DOCK3: variants seen among roughly 807,000 people sequenced by gnomAD.
DOCK3 encodes dedicator of cytokinesis 3, also known as dedicator of cytokinesis protein 3.
In DOCK3, 60 loss-of-function variants were observed where a neutral mutation model predicts 265.6. That is an observed-to-expected ratio of 0.23 (90% CI 0.18 to 0.28). The LOEUF (loss-of-function observed/expected upper bound fraction) is 0.28. Ranked by LOEUF, DOCK3 falls within the 10% of genes least tolerant of loss-of-function variation. DOCK3 has a pLI of 1.00. For synonymous variants in DOCK3, 881 were observed against 938.0 expected, an observed-to-expected ratio of 0.94 and a Z score of 1.11; for missense variants, 1,981 against 2,594.3, an observed-to-expected ratio of 0.76 and a Z score of 5.14.
intron 6 of DOCK3, among the ~76,000 whole-genome samples, chr3:51,068,058 G>A (rs1379112783): frequency 1.3e-5 from 2 of 152,130 alleles, no homozygotes; most frequent in African/African-American, 2.4e-5. Flanking sequence ...TGTTTTAATT[G>A]ATGTAATTAA....
chr3:51,043,421 A>G (rs1289945448), intron 5 of DOCK3, among the ~76,000 whole-genome samples: 2 of 152,216 alleles, frequency 1.3e-5, no homozygotes, highest in Admixed American at 6.6e-5. Flanking sequence ...CTTATACCAT[A>G]TTCAAAAATT....
intron 21 of DOCK3, among the ~76,000 whole-genome samples, chr3:51,239,326 C>A (rs553351261): frequency 1.3e-5 from 2 of 152,124 alleles, no homozygotes; most frequent in East Asian, 3.9e-4. Flanking sequence ...CCTTCTGCCT[C>A]AGCCTCCTGA....
intron 2 of DOCK3, among the ~76,000 whole-genome samples, chr3:50,804,227 C>T (rs953027627): frequency 8.6e-5 from 13 of 150,922 alleles, no homozygotes; most frequent in Admixed American, 2.6e-4. Context: ...GGATGGCGGC[C>T]GGGAAGAGGC....
At chr3:50,746,012 A>G (rs1164459318) in intron 1 of DOCK3, among the ~76,000 whole-genome samples, 5 of 152,020 alleles carry the variant, frequency 3.3e-5, no homozygotes, top group Non-Finnish European at 7.4e-5. Context: ...TATCAGATAT[A>G]TACTTTGCAA....
At chr3:51,346,814 T>C (rs2085616322) in intron 38 of DOCK3, among the ~76,000 whole-genome samples, 1 of 152,228 alleles carries the variant, frequency 6.6e-6, no homozygotes, top group Non-Finnish European at 1.5e-5. Context: ...TTTCCTGACT[T>C]TTTAATGATC....
intron 5 of DOCK3, among the ~76,000 whole-genome samples, chr3:51,061,165 G>A (rs2081395055): frequency 6.6e-6 from 1 of 152,088 alleles, no homozygotes. Flanking sequence ...GATTCCTCAG[G>A]GATCTAGAAC....
At chr3:50,809,267 C>G (rs960876284) in intron 2 of DOCK3, among the ~76,000 whole-genome samples, 25 of 152,244 alleles carry the variant, frequency 1.6e-4, no homozygotes, top group African/African-American at 6.0e-4. Flanking sequence ...AGGCAAAAGG[C>G]TTGAGTAGGC....
intron 38 of DOCK3, among the ~76,000 whole-genome samples, chr3:51,344,456 C>G (rs1034500744): frequency 1.3e-5 from 2 of 152,176 alleles, no homozygotes; most frequent in African/African-American, 4.8e-5. Context: ...CTCGTCTCTA[C>G]TGAAAATACA....
At chr3:51,320,393 G>A (rs1334438121) in intron 32 of DOCK3, among the ~76,000 whole-genome samples, 1 of 152,006 alleles carries the variant, frequency 6.6e-6, no homozygotes, top group East Asian at 1.9e-4. Context: ...GGCCGTTTGG[G>A]CAGACACCAA....
intron 1 of DOCK3, among the ~76,000 whole-genome samples, chr3:50,777,841 G>C (rs2041693455): frequency 6.6e-6 from 1 of 151,968 alleles, no homozygotes. Context: ...CTAAGTATAT[G>C]ATTATATCAT....
At chr3:50,879,191 C>T (rs2047889882) in intron 3 of DOCK3, among the ~76,000 whole-genome samples, 1 of 152,154 alleles carries the variant, frequency 6.6e-6, no homozygotes, top group African/African-American at 2.4e-5. Context: ...ATTGTAAAGA[C>T]CATCGATGCT....
Position 50,767,881 on chromosome 3 carries a change from G to A in DOCK3, c.38-10794G>A, listed in dbSNP as rs372739207. On this transcript the variant is annotated intron_variant, in intron 1 of 52. Coordinates refer to ENST00000266037, the MANE Select transcript of DOCK3 (RefSeq NM_004947.5). Reference sequence around the variant, plus strand: ...TAGGTATTTTATTCTCTTTGAAGCAGTTGTGAATGGGAGTTCACTCATGAT... The same window carrying A: ...TAGGTATTTTATTCTCTTTGAAGCAATTGTGAATGGGAGTTCACTCATGAT... 6.1e-4 allele frequency among the ~76,000 whole-genome samples: 89 copies of A among 144,970 alleles called. No homozygotes were observed. The South Asian group carries it at 0.012, about 20-fold the overall frequency.
At chr3:51,368,664 T>C (rs2087440932) in intron 49 of DOCK3, among the ~76,000 whole-genome samples, 1 of 152,198 alleles carries the variant, frequency 6.6e-6, no homozygotes, top group Non-Finnish European at 1.5e-5. Context: ...CAGAAACTTC[T>C]GCAGACTTAA....
chr3:50,723,084 A>G (rs966895759), intron 1 of DOCK3, among the ~76,000 whole-genome samples: 1 of 152,250 alleles, frequency 6.6e-6, no homozygotes, highest in African/African-American at 2.4e-5. Context: ...CAGATGGAGA[A>G]TTTCATCAGG....
rs187235807 is a variant in DOCK3 at position 51,030,946 on chromosome 3, T to C, written c.316-33502T>C. 3.2e-3 allele frequency among the ~76,000 whole-genome samples: 488 copies of C among 152,334 alleles called. 7 individuals carry two copies. The highest frequency in any genetic ancestry group is 0.011 in the African/African-American group (446 of 41,586). The stretch of plus-strand genomic sequence containing the variant: ...CATGCAAAATGTTGGGCTACCCCAC[T>C]GAGTTTTCCTTCTTTCCTTGATCTT... On this transcript the variant is annotated intron_variant, in intron 5 of 52. Transcript: ENST00000266037.
At chr3:50,943,372 G>T (rs991553252) in intron 5 of DOCK3, among the ~76,000 whole-genome samples, 1 of 151,966 alleles carries the variant, frequency 6.6e-6, no homozygotes, top group Admixed American at 6.6e-5. Context: ...TTAAGACATT[G>T]ACGATTAGTG....
At chr3:51,310,959 G>T (rs1560411362) in intron 28 of DOCK3, among the ~76,000 whole-genome samples, 2 of 152,200 alleles carry the variant, frequency 1.3e-5, no homozygotes. Flanking sequence ...TACAGTGAAA[G>T]TGTCTGTTAG....
Position 51,242,415 on chromosome 3 carries a change from A to G in DOCK3, c.2103-4311A>G, listed in dbSNP as rs779999983. Among the ~76,000 whole-genome samples the G allele has an allele frequency of 8.7e-4, 133 of 152,272 alleles. 1 individual carries two copies. The highest frequency in any genetic ancestry group is 7.2e-4 in the Non-Finnish European group (49 of 67,998). On this transcript the variant is annotated intron_variant, in intron 21 of 52. Coordinates refer to ENST00000266037, the MANE Select transcript of DOCK3 (RefSeq NM_004947.5). The stretch of plus-strand genomic sequence containing the variant: ...ATCCCTGTTCACATGTGCCAGCAGC[A>G]GTGGGTACAGCAGCTGTGGCAGAGT...
chr3:51,068,775 G>A (rs1218616546), intron 6 of DOCK3, among the ~76,000 whole-genome samples: 1 of 152,000 alleles, frequency 6.6e-6, no homozygotes, highest in African/African-American at 2.4e-5. Context: ...GCACATTATT[G>A]CCAGTATTTT....
Sources: allele counts gnomAD v4.1 joint callset (sites outside exome capture counted in the v4.1 genomes callset), GRCh38; gene constraint gnomAD v4.1.1; transcripts MANE v1.5; gene names NCBI Gene and HGNC (gene_info 2026-07-23, HGNC 2026-07-21).